The following PUM2 variants were observed in gnomAD, a reference collection of about 807,000 sequenced individuals.
PUM2 encodes pumilio RNA binding family member 2, also known as pumilio homolog 2.
In PUM2, 57 loss-of-function variants were observed where a neutral mutation model predicts 124.5. The ratio of observed to expected loss-of-function variants is 0.46; its 90% CI spans 0.37 to 0.57. The LOEUF (loss-of-function observed/expected upper bound fraction) is 0.57. Among genes scored for constraint, PUM2 ranks in the 20% least tolerant of loss-of-function variants. PUM2 has a pLI of 0.00. For missense variants in PUM2, 1,065 were observed against 1,290.6 expected (o/e 0.83, Z 2.68); for synonymous variants, 460 against 446.1 (o/e 1.03, Z -0.39).
At chr2:20,324,768 T>C (rs920525724) in intron 2 of PUM2, among the ~76,000 whole-genome samples, 2 of 152,192 alleles carry the variant, frequency 1.3e-5, no homozygotes, top group Non-Finnish European at 2.9e-5. Flanking sequence ...TGATGATGGC[T>C]CAGTAAAGAC....
intron 20 of PUM2, 37 bp from the exon 21 acceptor site, chr2:20,251,753 AT>A (rs1441139695): frequency 8.8e-6 from 14 of 1,599,008 alleles, no homozygotes; most frequent in Non-Finnish European, 1.2e-5. Flanking sequence ...AATCTAAGTC[AT>A]TTTAGTTTCT....
Position 20,343,534 on chromosome 2 carries a change from T to C in PUM2, c.-19+7063A>G, listed in dbSNP as rs142707139. 5.4e-3 allele frequency among the ~76,000 whole-genome samples: 818 copies of C among 152,364 alleles called. 14 individuals carry two copies. Among genetic ancestry groups the C allele is most frequent in the African/African-American group, 0.019 (775 of 41,588 alleles). Reference sequence around the variant, plus strand: ...AGTAATTGTACAAACAGTAGGTATGTACAATTCTCATTAGCCAGAGAAAGA... The same window carrying C: ...AGTAATTGTACAAACAGTAGGTATGCACAATTCTCATTAGCCAGAGAAAGA... On this transcript the variant is annotated intron_variant, in intron 1 of 20. Coordinates refer to ENST00000361078, the MANE Select transcript of PUM2 (RefSeq NM_015317.5).
intron 1 of PUM2, among the ~76,000 whole-genome samples, chr2:20,333,763 TCCC>T (rs1685414582): frequency 6.6e-6 from 1 of 152,038 alleles, no homozygotes; most frequent in African/African-American, 2.4e-5. Context: ...TGGATCTGTG[TCCC>T]CACCCAAATC....
Position 20,298,243 on chromosome 2 carries a change from AAATG to A in PUM2, c.884-569_884-566del, listed in dbSNP as rs551147050. Among the ~76,000 whole-genome samples, 604 of 152,326 alleles carry A rather than the reference AAATG, an allele frequency of 4.0e-3. 4 individuals are homozygous for A. The highest frequency in any genetic ancestry group is 0.014 in the African/African-American group (564 of 41,562). On this transcript the variant is annotated intron_variant, in intron 7 of 20. Coordinates refer to ENST00000361078, the MANE Select transcript of PUM2 (RefSeq NM_015317.5). ...TAATAAACTTTGGAAGGGGTGAGTA[AAATG>A]AATGAGGTATAGTGTAAGATAAAAT... is the stretch of plus-strand genomic sequence containing the variant.
chr2:20,335,439 T>C (rs567510918), intron 1 of PUM2, among the ~76,000 whole-genome samples: 26 of 152,250 alleles, frequency 1.7e-4, no homozygotes, highest in Non-Finnish European at 3.4e-4. Context: ...AGGAGACCAT[T>C]AGCCTTTAAA....
At chr2:20,324,388 A>G (rs1683163364) in intron 2 of PUM2, among the ~76,000 whole-genome samples, 1 of 152,188 alleles carries the variant, frequency 6.6e-6, no homozygotes, top group Non-Finnish European at 1.5e-5. Flanking sequence ...ACTGCTTATC[A>G]TACTAAGCTA....
rs1057225479 is a variant in PUM2, at chr2:20,251,848, C to T, written c.3064-132G>A. 4 of 1,140,868 alleles carry T rather than the reference C, an allele frequency of 3.5e-6. No homozygotes were observed. In the African/African-American group the frequency reaches 6.3e-5, roughly 18 times the overall value. 70.7% of individuals were successfully genotyped at this position (1,140,868 alleles called of 1,614,324 possible). On this transcript the variant is annotated intron_variant, in intron 20 of 20. Coordinates refer to ENST00000361078, the MANE Select transcript of PUM2 (RefSeq NM_015317.5). Reference sequence around the variant, plus strand: ...AAAAATTTAAATCCAAAGAAAGCTACTTTTTGCAAAAGCAGTTGTGATCTG... The same window carrying T: ...AAAAATTTAAATCCAAAGAAAGCTATTTTTTGCAAAAGCAGTTGTGATCTG...
chr2:20,292,980 T>G (rs1415890164), intron 9 of PUM2, among the ~76,000 whole-genome samples: 1 of 151,860 alleles, frequency 6.6e-6, no homozygotes, highest in Admixed American at 6.6e-5. Context: ...AAAAAGGAAA[T>G]ACGGAAAGAT....
chr2:20,350,252 C>G (rs1333720497), intron 1 of PUM2: 2 of 163,268 alleles, frequency 1.2e-5, no homozygotes, highest in Non-Finnish European at 2.6e-5. Flanking sequence ...TCCCCTCTTT[C>G]CGAACCCTAG....
At chr2:20,291,198 A>T (rs1673987261) in intron 9 of PUM2, among the ~76,000 whole-genome samples, 1 of 152,232 alleles carries the variant, frequency 6.6e-6, no homozygotes, top group Non-Finnish European at 1.5e-5. Flanking sequence ...CCTGGAAGAC[A>T]TGCCTTAGAG....
Position 20,308,662 on chromosome 2 carries a change from G to T in PUM2, c.519-78C>A, listed in dbSNP as rs143132069. 71 of 1,385,812 alleles carry T rather than the reference G, an allele frequency of 5.1e-5. No individual in the cohort carries two copies. In the African/African-American group the frequency reaches 8.6e-4, roughly 17 times the overall value. 85.8% of individuals were successfully genotyped at this position (1,385,812 alleles called of 1,614,324 possible). A position where few individuals can be genotyped will look rare whatever the true frequency, so the allele number is the denominator to read the frequency against. ...CGAAATGGGAAAATAGAAAAATCAT[G>T]AAAAACAAATGGTCATAAAACACAA... On this transcript the variant is annotated intron_variant, in intron 5 of 20. Coordinates refer to ENST00000361078, the MANE Select transcript of PUM2 (RefSeq NM_015317.5).
chr2:20,322,323 T>A (rs561203803), intron 2 of PUM2, among the ~76,000 whole-genome samples: 1 of 152,128 alleles, frequency 6.6e-6, no homozygotes, highest in Non-Finnish European at 1.5e-5. Flanking sequence ...GAGCAGAGAC[T>A]CATGCCTGTA....
rs1687065800 is a variant in PUM2 at position 20,340,760 on chromosome 2, C to T, written c.-19+9837G>A. ...CACAAACACCCTAGAAGTTTCCCAA[C>T]TAAAAAATTTTGTTAGTATCAGTCA... On this transcript the variant is annotated intron_variant, in intron 1 of 20. Transcript: ENST00000361078. 2.0e-5 allele frequency among the ~76,000 whole-genome samples: 3 copies of T among 152,238 alleles called. No individual in the cohort carries two copies. In the South Asian group the frequency reaches 6.2e-4, roughly 32 times the overall value.
intron 16 of PUM2, among the ~76,000 whole-genome samples, chr2:20,257,667 T>C (rs1665139169): frequency 6.6e-6 from 1 of 152,212 alleles, no homozygotes; most frequent in Non-Finnish European, 1.5e-5. Flanking sequence ...TTCAAATGAT[T>C]TTAAGCATTA....
intron 13 of PUM2, among the ~76,000 whole-genome samples, chr2:20,274,038 C>G (rs118027314): frequency 6.6e-6 from 1 of 151,960 alleles, no homozygotes; most frequent in Non-Finnish European, 1.5e-5. Context: ...AATGGAAAAA[C>G]GAAGAATAGT....
Position 20,283,021 on chromosome 2 carries a change from G to A in PUM2, c.1646C>T (p.Thr549Ile), listed in dbSNP as rs1044800965. The A allele has an allele frequency of 1.9e-6, 3 of 1,613,984 alleles. No homozygotes were observed. Among genetic ancestry groups the A allele is most frequent in the Admixed American group, 3.3e-5 (2 of 59,940 alleles). The change falls in exon 12 of 21, where the codon ACA becomes ATA. Residue 549 changes from threonine to isoleucine, a missense_variant. By Grantham distance (89) the Thr-to-Ile change is moderately conservative (BLOSUM62 -1). Coordinates refer to ENST00000361078, the MANE Select transcript of PUM2 (RefSeq NM_015317.5). ...GTTACCACTTCCAAAGCCAAGAGAT[G>A]TACTTCCAGGTTGACCAGGTCCATG... ...FSHGPGQPGSTSLGFGSGNSL... is the reference protein window; with the variant it reads ...FSHGPGQPGSISLGFGSGNSL...
At chr2:20,334,805 T>C (rs991861793) in intron 1 of PUM2, among the ~76,000 whole-genome samples, 3 of 152,224 alleles carry the variant, frequency 2.0e-5, no homozygotes, top group Non-Finnish European at 4.4e-5. Flanking sequence ...GTCTGTCATC[T>C]ACAGCCTGGA....
chr2:20,308,059 T>C lies in PUM2; in HGVS notation c.802A>G (p.Thr268Ala). The change falls in exon 7 of 21, where the codon ACT becomes GCT. Residue 268 changes from threonine (T) to alanine (A), a missense_variant. Around this residue, in one of 3 missense-constraint regions of PUM2, gnomAD observed 968 missense variants for 1,159.8 expected, o/e 0.83. Coordinates refer to ENST00000361078, the MANE Select transcript of PUM2 (RefSeq NM_015317.5). The part of the protein sequence containing the change: ...YNSQQQLFQR[T>A]NALTVQQLTA... ...AACTGTTGAACTGTTAGTGCATTAG[T>C]CCTCTGAAAGAGCTATTAGGGAAAA... 1 of 1,612,144 alleles carries C rather than the reference T, an allele frequency of 6.2e-7. No homozygotes were observed. Among genetic ancestry groups the C allele is most frequent in the Non-Finnish European group, 8.5e-7 (1 of 1,178,398 alleles).
chr2:20,326,394 C>T lies in PUM2; in HGVS notation c.51+916G>A, dbSNP rs1683682723. On this transcript the variant is annotated intron_variant, in intron 2 of 20. Coordinates refer to ENST00000361078, the MANE Select transcript of PUM2 (RefSeq NM_015317.5). ...TGGACTCTTTTCTGCATCTGAAGAG[C>T]ACAGCATTGGATGGAGTGAGTCTCA... is the stretch of plus-strand genomic sequence containing the variant. 3.1e-6 allele frequency: 4 copies of T among 1,304,138 alleles called. No individual in the cohort carries two copies. In the African/African-American group the frequency reaches 4.6e-5, roughly 15 times the overall value. The allele number at this position is 1,304,138 out of a possible 1,614,324, so 80.8% of individuals were successfully genotyped here.
Sources: allele counts gnomAD v4.1 joint callset (sites outside exome capture counted in the v4.1 genomes callset), GRCh38; gene constraint gnomAD v4.1.1; regional missense constraint gnomAD v4.1.1; transcripts MANE v1.5; gene names NCBI Gene and HGNC (gene_info 2026-07-23, HGNC 2026-07-21).